OTOGL: variants seen among roughly 807,000 people sequenced by gnomAD.
OTOGL encodes the protein otogelin-like protein.
A neutral mutation model predicts 318.5 loss-of-function variants in OTOGL; 285 were observed. The ratio of observed to expected loss-of-function variants is 0.89; its 90% CI spans 0.81 to 0.99. OTOGL has a LOEUF of 0.99. Ranked by LOEUF, OTOGL falls within the 50% of genes least tolerant of loss-of-function variation. The pLI is 0.00. For synonymous variants in OTOGL, 987 were observed against 936.5 expected (o/e 1.05, Z -0.99); for missense variants, 2,899 against 2,845.6 (o/e 1.02, Z -0.43).
chr12:80,251,945 AAGTATGCAATTTTTTTGCAATT>A, intron 12 of OTOGL, 109 bp from the exon 13 acceptor site: 1 of 1,151,216 alleles, frequency 8.7e-7, no homozygotes, highest in South Asian at 2.2e-5. Flanking sequence ...TTTTTGAAAC[AAGTATGCAATTTTTTTGCAATT>A]AAAAGTTATT....
intron 26 of OTOGL, among the ~76,000 whole-genome samples, chr12:80,280,833 A>T (rs1210016690): frequency 6.6e-6 from 1 of 151,894 alleles, no homozygotes; most frequent in African/African-American, 2.4e-5. Context: ...TGAGCATAAA[A>T]TGTATTTCCA....
chr12:80,163,705 T>G (rs538846027), intron 1 of OTOGL, among the ~76,000 whole-genome samples: 1 of 152,230 alleles, frequency 6.6e-6, no homozygotes, highest in African/African-American at 2.4e-5. Context: ...TGATTTGGCT[T>G]TGTCCTTCAT....
intron 42 of OTOGL, 44 bp from the exon 43 acceptor site, chr12:80,339,031 A>G: frequency 3.6e-6 from 5 of 1,404,534 alleles, no homozygotes; most frequent in Non-Finnish European, 4.9e-6. Context: ...TAATTTGTAT[A>G]TTTAAGTAAA....
intron 1 of OTOGL, among the ~76,000 whole-genome samples, chr12:80,187,918 C>T (rs1028876150): frequency 2.6e-5 from 4 of 152,104 alleles, no homozygotes; most frequent in Non-Finnish European, 5.9e-5. Context: ...GGATTGCTGC[C>T]CCTTCGTTTT....
chr12:80,318,169 G>A (rs2137821848), intron 32 of OTOGL, among the ~76,000 whole-genome samples: 1 of 152,088 alleles, frequency 6.6e-6, no homozygotes, highest in East Asian at 1.9e-4. Context: ...AAGTCCTTAA[G>A]GGGAAAAAAG....
intron 25 of OTOGL, among the ~76,000 whole-genome samples, chr12:80,278,486 T>C (rs538400062): frequency 6.6e-6 from 1 of 151,634 alleles, no homozygotes; most frequent in South Asian, 2.1e-4. Context: ...AGAAGAAAAC[T>C]GTGAAACACA....
At chr12:80,251,549 A>G (rs1881546437) in intron 11 of OTOGL, 144 bp from the exon 12 acceptor site, 5 of 576,716 alleles carry the variant, frequency 8.7e-6, no homozygotes, top group Admixed American at 6.8e-5. Context: ...TTAATAAGAT[A>G]TATTATGAGT....
intron 27 of OTOGL, among the ~76,000 whole-genome samples, chr12:80,299,006 T>G (rs1201979225): frequency 1.3e-5 from 2 of 152,226 alleles, no homozygotes; most frequent in Non-Finnish European, 2.9e-5. Flanking sequence ...AAACATTCAT[T>G]AAAATCATGT....
At chr12:80,339,403 T>A in intron 43 of OTOGL, 139 bp downstream of exon 43, 1 of 696,790 alleles carries the variant, frequency 1.4e-6, no homozygotes, top group Non-Finnish European at 2.3e-6. Context: ...AGTTCCCATG[T>A]AAATACGGAA....
chr12:80,353,185 G>C, intron 45 of OTOGL, 140 bp from the exon 46 acceptor site: 1 of 556,094 alleles, frequency 1.8e-6, no homozygotes, highest in South Asian at 5.0e-5. Context: ...TATGGTTACA[G>C]AGTAAGTGAA....
intron 13 of OTOGL, among the ~76,000 whole-genome samples, chr12:80,252,439 A>G (rs1434955394): frequency 2.6e-5 from 4 of 152,194 alleles, no homozygotes; most frequent in Non-Finnish European, 5.9e-5. Flanking sequence ...GAAGTTACCC[A>G]TGAGAAATCT....
intron 1 of OTOGL, among the ~76,000 whole-genome samples, chr12:80,123,269 T>C (rs1870598879): frequency 1.3e-5 from 2 of 151,892 alleles, no homozygotes; most frequent in African/African-American, 2.4e-5. Flanking sequence ...CACCTATGAG[T>C]GAGAACATGT....
In OTOGL at chr12:80,266,594, A is replaced by C; in HGVS notation, c.2368A>C (p.Thr790Pro). 2 of 1,613,136 alleles carry C rather than the reference A, an allele frequency of 1.2e-6. No individual in the cohort carries two copies. The highest frequency in any genetic ancestry group is 1.7e-6 in the Non-Finnish European group (2 of 1,179,598). ...TCCGGAAGGCAAATTCTATGAAGACACTCTTAACTTTTGTGTACCCATGTA... is the reference window on the plus strand; with the variant it reads ...TCCGGAAGGCAAATTCTATGAAGACCCTCTTAACTTTTGTGTACCCATGTA... ...NCPEGKFYED[T>P]LNFCVPIFHC... is the part of the protein sequence containing the mutation. Residue 790 changes from threonine (T) to proline (P), a missense_variant, in exon 21 of 59, where the codon ACT becomes CCT. Thr to Pro is a conservative substitution (Grantham distance 38). Transcript: ENST00000547103.
intron 1 of OTOGL, among the ~76,000 whole-genome samples, chr12:80,105,361 C>A (rs1197589370): frequency 6.6e-6 from 1 of 152,016 alleles, no homozygotes; most frequent in Non-Finnish European, 1.5e-5. Context: ...AATTAAGGCC[C>A]AAAGAAGTTA....
intron 11 of OTOGL, among the ~76,000 whole-genome samples, chr12:80,250,931 G>A (rs12315769): frequency 0.046 from 7,029 of 152,148 alleles, 549 homozygotes; most frequent in African/African-American, 0.16. Flanking sequence ...TTGGGGGGAA[G>A]CTCCTGAAGT....
At chr12:80,184,018 A>G (rs1875113428) in intron 1 of OTOGL, among the ~76,000 whole-genome samples, 1 of 152,180 alleles carries the variant, frequency 6.6e-6, no homozygotes, top group Non-Finnish European at 1.5e-5. Flanking sequence ...TCTCTCTTCA[A>G]ATAGGTCCCT....
At chr12:80,337,981 G>T (rs1003128311) in intron 42 of OTOGL, among the ~76,000 whole-genome samples, 1 of 151,954 alleles carries the variant, frequency 6.6e-6, no homozygotes, top group African/African-American at 2.4e-5. Context: ...GGAGCATTTG[G>T]GTGGAAGGAC....
intron 9 of OTOGL, among the ~76,000 whole-genome samples, chr12:80,236,742 C>G (rs529577523): frequency 7.2e-5 from 11 of 151,980 alleles, no homozygotes; most frequent in Middle Eastern, 3.5e-3. Context: ...GACAAAGCAG[C>G]AGGCCAGACA....
intron 1 of OTOGL, among the ~76,000 whole-genome samples, chr12:80,146,400 G>T (rs1040382695): frequency 6.6e-6 from 1 of 150,928 alleles, no homozygotes; most frequent in African/African-American, 2.5e-5. Flanking sequence ...GCATCCCAGG[G>T]ATGAAGCCCT....
Sources: allele counts gnomAD v4.1 joint callset (sites outside exome capture counted in the v4.1 genomes callset), GRCh38; gene constraint gnomAD v4.1.1; transcripts MANE v1.5; gene names NCBI Gene and HGNC (gene_info 2026-07-23, HGNC 2026-07-21).